The following WNT7B variants were observed in gnomAD, a reference collection of about 807,000 sequenced individuals.
WNT7B encodes the protein protein Wnt-7b.
Under a neutral mutation model 38.2 loss-of-function variants are expected in WNT7B, and 19 were observed. That is an observed-to-expected ratio of 0.50 (90% CI 0.35 to 0.73). WNT7B has a LOEUF of 0.73. WNT7B is among the 30% of genes least tolerant of loss of function. WNT7B has a pLI of 0.01. For missense variants in WNT7B, 423 were observed against 507.9 expected, an observed-to-expected ratio of 0.83 and a Z score of 1.61; for synonymous variants, 243 against 209.3, an observed-to-expected ratio of 1.16 and a Z score of -1.39.
Position 45,931,089 on chromosome 22 carries a change from G to A in WNT7B, c.570+9C>T, listed in dbSNP as rs765726168. The A allele has an allele frequency of 8.9e-6, 14 of 1,564,426 alleles. No homozygotes were observed. The highest frequency in any genetic ancestry group is 3.5e-5 in the Admixed American group (2 of 57,680). On this transcript the variant is annotated intron_variant, in intron 3 of 3. Coordinates refer to ENST00000339464, the MANE Select transcript of WNT7B (RefSeq NM_058238.3). ...GCTACGGCCCCCACCAGCCGCACCCGCACCCTACCTTCCTGCCGGCCTCAT... is the reference window on the plus strand; with the variant it reads ...GCTACGGCCCCCACCAGCCGCACCCACACCCTACCTTCCTGCCGGCCTCAT...
At chr22:45,969,837 C>T (rs1932393353) in intron 1 of WNT7B, among the ~76,000 whole-genome samples, 2 of 152,204 alleles carry the variant, frequency 1.3e-5, no homozygotes, top group South Asian at 2.1e-4. Flanking sequence ...AGCCTCCACC[C>T]AGCGACCCTC....
chr22:45,933,883 A>C (rs938566732), intron 2 of WNT7B, among the ~76,000 whole-genome samples: 2 of 152,164 alleles, frequency 1.3e-5, no homozygotes, highest in African/African-American at 4.8e-5. Flanking sequence ...AATGTCTCGC[A>C]AGCAGGTGGC....
chr22:45,932,166 C>T (rs556400909), intron 2 of WNT7B, among the ~76,000 whole-genome samples: 17 of 152,340 alleles, frequency 1.1e-4, no homozygotes, highest in African/African-American at 3.8e-4. Flanking sequence ...TTCACTGCTC[C>T]CCTCTGCCGG....
chr22:45,961,941 A>C (rs1244745164), intron 1 of WNT7B, among the ~76,000 whole-genome samples: 1 of 151,504 alleles, frequency 6.6e-6, no homozygotes, highest in African/African-American at 2.4e-5. Flanking sequence ...TGCAGGCTGC[A>C]CTCCACCACA....
intron 1 of WNT7B, among the ~76,000 whole-genome samples, chr22:45,970,305 A>G (rs1932405344): frequency 6.6e-6 from 1 of 152,206 alleles, no homozygotes; most frequent in Admixed American, 6.5e-5. Context: ...CTGTTTCCTT[A>G]GGAGAATTTC....
intron 3 of WNT7B, among the ~76,000 whole-genome samples, chr22:45,928,858 G>GA (rs1931186745): frequency 1.1e-5 from 1 of 90,460 alleles, no homozygotes; most frequent in African/African-American, 3.8e-5. Context: ...TCCCCATACC[G>GA]CATACCACGA....
intron 2 of WNT7B, among the ~76,000 whole-genome samples, chr22:45,941,168 A>G (rs1193723066): frequency 1.3e-5 from 2 of 152,164 alleles, no homozygotes; most frequent in Non-Finnish European, 2.9e-5. Flanking sequence ...CTCAGCGTAG[A>G]GCTAACGGGA....
At chr22:45,930,341 A>C in intron 3 of WNT7B, among the ~76,000 whole-genome samples, 1 of 152,226 alleles carries the variant, frequency 6.6e-6, no homozygotes, top group Non-Finnish European at 1.5e-5. Flanking sequence ...TCTGTCCCAC[A>C]CCTGAGAAGC....
chr22:45,977,052 C>A lies in WNT7B; in HGVS notation c.-298G>T. On this transcript the variant is annotated 5_prime_UTR_variant, in exon 1 of 4. Coordinates refer to ENST00000339464, the MANE Select transcript of WNT7B (RefSeq NM_058238.3). Reference sequence around the variant, plus strand: ...GCGCGGGCCGGGGGCCCGGGCGCGGCTGGCGGGCGGGTGCAGCCTGCACTA... The same window carrying A: ...GCGCGGGCCGGGGGCCCGGGCGCGGATGGCGGGCGGGTGCAGCCTGCACTA... 2 of 981,932 alleles carry A rather than the reference C, an allele frequency of 2.0e-6. No individual in the cohort carries two copies. Among genetic ancestry groups the A allele is most frequent in the Non-Finnish European group, 2.4e-6 (2 of 827,280 alleles). The allele number at this position is 981,932 out of a possible 1,614,324, so 60.8% of individuals were successfully genotyped here. A position where few individuals can be genotyped will look rare whatever the true frequency, so the allele number is the denominator to read the frequency against.
intron 1 of WNT7B, among the ~76,000 whole-genome samples, chr22:45,970,080 C>G (rs575611902): frequency 2.0e-5 from 3 of 152,328 alleles, no homozygotes; most frequent in African/African-American, 7.2e-5. Context: ...GTCAGCCTTG[C>G]GCCCACCAAA....
rs75343830 is a variant in WNT7B at position 45,920,925 on chromosome 22, T to G, written c.*1931A>C. 0.06 allele frequency: 9,045 copies of G among 151,736 alleles called. 347 individuals carry two copies. Among genetic ancestry groups the G allele is most frequent in the Middle Eastern group, 0.088 (26 of 294 alleles). The allele number at this position is 151,736 out of a possible 1,614,324, so 9.4% of individuals were successfully genotyped here. A position where few individuals can be genotyped will look rare whatever the true frequency, so the allele number is the denominator to read the frequency against. On this transcript the variant is annotated 3_prime_UTR_variant, in exon 4 of 4. Coordinates refer to ENST00000339464, the MANE Select transcript of WNT7B (RefSeq NM_058238.3). ...GGTGTGTTCTGGGACTTGGGGAAGG[T>G]AAGGGGATGGGGCCAGGCTGAGGGT...
At chr22:45,929,563 T>C (rs189379153) in intron 3 of WNT7B, among the ~76,000 whole-genome samples, 1 of 132,726 alleles carries the variant, frequency 7.5e-6, no homozygotes, top group Non-Finnish European at 1.6e-5. Context: ...CTTCCACCCA[T>C]CCCCTCATTC....
chr22:45,930,540 G>A (rs1301118800), intron 3 of WNT7B, among the ~76,000 whole-genome samples: 1 of 152,214 alleles, frequency 6.6e-6, no homozygotes, highest in East Asian at 1.9e-4. Context: ...TCCCCGGTGT[G>A]TCCCTGCCTG....
chr22:45,929,851 C>T (rs1366659690), intron 3 of WNT7B, among the ~76,000 whole-genome samples: 2 of 125,294 alleles, frequency 1.6e-5, no homozygotes, highest in Non-Finnish European at 3.3e-5. Context: ...CATCCACCCA[C>T]TCATCCTTCC....
At chr22:45,930,711 G>C (rs28524526) in intron 3 of WNT7B, among the ~76,000 whole-genome samples, 42,463 of 152,164 alleles carry the variant, frequency 0.28, 6,033 homozygotes, top group Middle Eastern at 0.34. Context: ...CTGCCAGGAA[G>C]TCTTTCCTGG....
chr22:45,954,712 A>G, intron 1 of WNT7B: 1 of 985,418 alleles, frequency 1.0e-6, no homozygotes, highest in Non-Finnish European at 1.2e-6. Context: ...GATGTGGTTG[A>G]TAATTCAGAA....
chr22:45,943,034 CG>C (rs1569116985), intron 2 of WNT7B, among the ~76,000 whole-genome samples: 1,819 of 149,548 alleles, frequency 0.012, 15 homozygotes, highest in Middle Eastern at 0.028. Context: ...TATGTGTGTG[CG>C]CGTGTGTGCA....
chr22:45,923,347 AG>A lies in WNT7B; in HGVS notation c.571-13del, dbSNP rs1930986641. On this transcript the variant is annotated splice_polypyrimidine_tract_variant and intron_variant, in intron 3 of 3. Transcript: ENST00000339464. ...CGGTCCTCTAGAACCTGCGGGTGAC[AG>A]GGAAGCTGCTCGGCACGGCATGGCC... 6.3e-7 allele frequency: 1 copy of A among 1,589,622 alleles called. No homozygotes were observed. The highest frequency in any genetic ancestry group is 1.7e-5 in the Admixed American group (1 of 59,036).
chr22:45,968,131 C>G (rs564970004), intron 1 of WNT7B, among the ~76,000 whole-genome samples: 1 of 152,112 alleles, frequency 6.6e-6, no homozygotes, highest in South Asian at 2.1e-4. Flanking sequence ...GTATTGTTCC[C>G]TCTTCTAGGG....
Sources: allele counts gnomAD v4.1 joint callset (sites outside exome capture counted in the v4.1 genomes callset), GRCh38; gene constraint gnomAD v4.1.1; transcripts MANE v1.5; gene names NCBI Gene and HGNC (gene_info 2026-07-23, HGNC 2026-07-21).